The following IL1RAPL1 variants were observed in gnomAD, a reference collection of about 807,000 sequenced individuals.
The protein encoded by IL1RAPL1 is interleukin-1 receptor accessory protein-like 1.
In IL1RAPL1, 3 loss-of-function variants were observed where a neutral mutation model predicts 48.4. The observed-to-expected ratio is 0.06, with a 90% CI of 0.03 to 0.16. IL1RAPL1 has a LOEUF of 0.16. Among genes scored for constraint, IL1RAPL1 ranks in the 10% least tolerant of loss-of-function variants. The pLI, the probability that IL1RAPL1 is intolerant of heterozygous loss-of-function variation, is 1.00. For synonymous variants in IL1RAPL1, 185 were observed against 187.7 expected, an observed-to-expected ratio of 0.99 and a Z score of 0.12; for missense variants, 349 against 530.6, an observed-to-expected ratio of 0.66 and a Z score of 3.36.
At chrX:29,509,271 A>G (rs1282946415) in intron 5 of IL1RAPL1, among the ~76,000 whole-genome samples, 3 of 112,092 alleles carry the variant, frequency 2.7e-5, no homozygotes, top group African/African-American at 9.7e-5. Flanking sequence ...TCTGCTCTTA[A>G]GCCCTTTTAC....
intron 3 of IL1RAPL1, among the ~76,000 whole-genome samples, chrX:29,394,581 CCTT>C (rs1260216829): frequency 8.9e-6 from 1 of 112,036 alleles, no homozygotes; most frequent in Admixed American, 9.4e-5. Flanking sequence ...ATTTATGGAG[CCTT>C]CTTGTTTCTT....
At chrX:29,815,902 G>C (rs1930481282) in intron 6 of IL1RAPL1, among the ~76,000 whole-genome samples, 1 of 111,233 alleles carries the variant, frequency 9.0e-6, no homozygotes, top group Non-Finnish European at 1.9e-5. Context: ...TGCATTGATT[G>C]ATTTGTGTAT....
At chrX:29,937,144 T>A (rs2147249282) in intron 8 of IL1RAPL1, among the ~76,000 whole-genome samples, 1 of 112,222 alleles carries the variant, frequency 8.9e-6, no homozygotes, top group East Asian at 2.8e-4. Flanking sequence ...CAATTTTCAA[T>A]ATTCAGTCTC....
chrX:29,139,088 C>G (rs1407838831), intron 2 of IL1RAPL1, among the ~76,000 whole-genome samples: 1 of 111,686 alleles, frequency 9.0e-6, no homozygotes, highest in Non-Finnish European at 1.9e-5. Flanking sequence ...TCTCTTGCAA[C>G]CAGCTACAGA....
At chrX:29,286,613 C>A (rs1292405395) in intron 3 of IL1RAPL1, among the ~76,000 whole-genome samples, 2 of 111,760 alleles carry the variant, frequency 1.8e-5, no homozygotes, top group Non-Finnish European at 3.8e-5. Flanking sequence ...TTCTTGAGGC[C>A]AGGAGTTTGA....
rs1481108809 is a variant in IL1RAPL1, at chrX:28,670,315, A to G, written c.-25+82268A>G. ...ACCAGACCCTTGTGATTTTGTCTGG[A>G]TAGTTAACCAGAATAGACGTTGGTT... On this transcript the variant is annotated intron_variant, in intron 1 of 10. Coordinates refer to ENST00000378993, the MANE Select transcript of IL1RAPL1 (RefSeq NM_014271.4). Among the ~76,000 whole-genome samples, 4 of 112,015 alleles carry G rather than the reference A, an allele frequency of 3.6e-5. No individual in the cohort carries two copies. The East Asian group carries it at 1.1e-3, about 31-fold the overall frequency.
chrX:28,895,839 G>C (rs1166745452), intron 2 of IL1RAPL1, among the ~76,000 whole-genome samples: 2 of 111,983 alleles, frequency 1.8e-5, no homozygotes, highest in Non-Finnish European at 3.8e-5. Flanking sequence ...GAGGCAATCA[G>C]GCAATGTCAG....
intron 2 of IL1RAPL1, among the ~76,000 whole-genome samples, chrX:29,162,156 A>G (rs1164782309): frequency 9.0e-6 from 1 of 111,107 alleles, no homozygotes; most frequent in Non-Finnish European, 1.9e-5. Flanking sequence ...GAGTTGAACA[A>G]TGAGAACACA....
chrX:28,720,680 C>G (rs1241532946), intron 1 of IL1RAPL1, among the ~76,000 whole-genome samples: 1 of 111,449 alleles, frequency 9.0e-6, no homozygotes, highest in Non-Finnish European at 1.9e-5. Context: ...ATCCATGGGC[C>G]ATGTGGGTAT....
intron 5 of IL1RAPL1, among the ~76,000 whole-genome samples, chrX:29,543,829 A>G (rs762327960): frequency 9.0e-6 from 1 of 111,071 alleles, no homozygotes; most frequent in Admixed American, 9.7e-5. Flanking sequence ...CAATGGGACG[A>G]TAAGGAGTAG....
intron 3 of IL1RAPL1, among the ~76,000 whole-genome samples, chrX:29,357,384 C>A (rs916709281): frequency 8.9e-6 from 1 of 111,848 alleles, no homozygotes; most frequent in African/African-American, 3.2e-5. Flanking sequence ...TGGGATAGGT[C>A]ACATGCAGAC....
At chrX:28,631,569 A>T (rs1013125706) in intron 1 of IL1RAPL1, among the ~76,000 whole-genome samples, 1 of 112,622 alleles carries the variant, frequency 8.9e-6, no homozygotes, top group African/African-American at 3.2e-5. Context: ...TGGTTCCTTG[A>T]CATGACCAAA....
At chrX:29,887,283 A>G (rs1335124067) in intron 6 of IL1RAPL1, among the ~76,000 whole-genome samples, 1 of 112,370 alleles carries the variant, frequency 8.9e-6, no homozygotes, top group Non-Finnish European at 1.9e-5. Flanking sequence ...TATTTTTAAC[A>G]TTGTTCAACT....
intron 2 of IL1RAPL1, among the ~76,000 whole-genome samples, chrX:28,926,068 A>T (rs938205110): frequency 3.6e-5 from 4 of 112,374 alleles, no homozygotes; most frequent in African/African-American, 1.3e-4. Flanking sequence ...TACCGTAGCC[A>T]TTAGCCACCT....
chrX:29,254,312 C>T (rs920418748), intron 2 of IL1RAPL1, among the ~76,000 whole-genome samples: 5 of 111,615 alleles, frequency 4.5e-5, no homozygotes, highest in Non-Finnish European at 7.5e-5. Context: ...TTTCTTGCTA[C>T]AATTTATGTT....
chrX:29,248,863 CTG>C (rs1931561109), intron 2 of IL1RAPL1, among the ~76,000 whole-genome samples: 1 of 111,830 alleles, frequency 8.9e-6, no homozygotes, highest in African/African-American at 3.3e-5. Context: ...CGTTGTGTGT[CTG>C]TGTGTTTGCA....
At chrX:28,677,355 A>G (rs1192226374) in intron 1 of IL1RAPL1, among the ~76,000 whole-genome samples, 3 of 112,187 alleles carry the variant, frequency 2.7e-5, no homozygotes, top group African/African-American at 6.5e-5. Context: ...CTTTCACAGT[A>G]TGTCATAGAC....
intron 5 of IL1RAPL1, among the ~76,000 whole-genome samples, chrX:29,626,255 C>G (rs910287057): frequency 8.9e-6 from 1 of 111,889 alleles, no homozygotes. Flanking sequence ...ATTTTATTAG[C>G]CCCAAATAAG....
At position 29,658,362 on chromosome X, in the gene IL1RAPL1, G is replaced by C. The variant is rs776854289; in HGVS notation, c.704-10068G>C. Among the ~76,000 whole-genome samples the C allele has an allele frequency of 6.3e-5, 7 of 111,792 alleles. No homozygotes were observed. In the East Asian group the frequency reaches 1.7e-3, roughly 27 times the overall value. On this transcript the variant is annotated intron_variant, in intron 5 of 10. Transcript: ENST00000378993. The stretch of plus-strand genomic sequence containing the variant: ...TGAACCTTAACATTATCTCCATGTT[G>C]ACCACGGTTTCCTTTGGTATTCTTG...
Sources: allele counts gnomAD v4.1 joint callset (sites outside exome capture counted in the v4.1 genomes callset), GRCh38; gene constraint gnomAD v4.1.1; transcripts MANE v1.5; gene names NCBI Gene and HGNC (gene_info 2026-07-23, HGNC 2026-07-21).